Variants in GRIN2A observed in about 807,000 individuals in gnomAD.
GRIN2A encodes glutamate ionotropic receptor NMDA type subunit 2A.
A neutral mutation model predicts 113.4 loss-of-function variants in GRIN2A; 22 were observed. The ratio of observed to expected loss-of-function variants is 0.19; its 90% CI spans 0.14 to 0.28. The LOEUF is 0.28. GRIN2A is among the 10% of genes least tolerant of loss of function. The pLI, the probability that GRIN2A is intolerant of heterozygous loss-of-function variation, is 1.00. For synonymous variants in GRIN2A, 827 were observed against 738.4 expected, an observed-to-expected ratio of 1.12 and a Z score of -1.94; for missense variants, 1,502 against 1,887.0, an observed-to-expected ratio of 0.80 and a Z score of 3.78.
At chr16:9,813,699 C>CAA (rs553969865) in intron 10 of GRIN2A, among the ~76,000 whole-genome samples, 14 of 133,430 alleles carry the variant, frequency 1.0e-4, no homozygotes, top group African/African-American at 3.3e-4. Flanking sequence ...CACCCCCCCG[C>CAA]AAAAAAAAAA....
rs539797874 is a variant in GRIN2A at position 9,899,507 on chromosome 16, T to C, written c.1008-8407A>G. Among the ~76,000 whole-genome samples the C allele has an allele frequency of 9.8e-5, 14 of 143,476 alleles. No homozygotes were observed. The South Asian group carries it at 3.1e-3, about 32-fold the overall frequency. 94.1% of individuals were successfully genotyped at this position (143,476 alleles called of 152,430 possible). ...TAATAACTCCAACACAGAGATACTC[T>C]AAAATGGGCTCAGAAACCACAACAT... On this transcript the variant is annotated intron_variant, in intron 3 of 12. Transcript: ENST00000330684.
intron 2 of GRIN2A, among the ~76,000 whole-genome samples, chr16:10,101,088 AG>A (rs2142109306): frequency 6.6e-6 from 1 of 152,302 alleles, no homozygotes; most frequent in African/African-American, 2.4e-5. Flanking sequence ...ACAGGGCATG[AG>A]GGGGACATGG....
At chr16:10,132,340 CAAAAA>C (rs71402435) in intron 2 of GRIN2A, among the ~76,000 whole-genome samples, 2 of 61,632 alleles carry the variant, frequency 3.2e-5, no homozygotes, top group South Asian at 8.6e-4. Context: ...GACACCGTCT[CAAAAA>C]AAAAAAAAAA....
intron 2 of GRIN2A, among the ~76,000 whole-genome samples, chr16:10,038,048 G>A (rs545114700): frequency 2.0e-5 from 3 of 152,054 alleles, no homozygotes; most frequent in Non-Finnish European, 4.4e-5. Context: ...TCAGGCTGCT[G>A]TAACAAAACA....
intron 4 of GRIN2A, among the ~76,000 whole-genome samples, chr16:9,852,754 G>A (rs1198728919): frequency 1.3e-5 from 2 of 152,160 alleles, no homozygotes; most frequent in African/African-American, 2.4e-5. Context: ...ACCAGATAAA[G>A]GAGAACAGAC....
At chr16:9,803,451 A>G (rs1259998245) in intron 10 of GRIN2A, among the ~76,000 whole-genome samples, 1 of 152,150 alleles carries the variant, frequency 6.6e-6, no homozygotes, top group Non-Finnish European at 1.5e-5. Flanking sequence ...GGAGCCAACA[A>G]TATTTGCCCT....
intron 2 of GRIN2A, among the ~76,000 whole-genome samples, chr16:10,124,337 G>A (rs2048886915): frequency 6.6e-6 from 1 of 152,154 alleles, no homozygotes; most frequent in South Asian, 2.1e-4. Context: ...GAAGATCAGG[G>A]ATCATGTATG....
chr16:9,903,663 A>G (rs934984924), intron 3 of GRIN2A, among the ~76,000 whole-genome samples: 1 of 152,132 alleles, frequency 6.6e-6, no homozygotes, highest in Admixed American at 6.5e-5. Context: ...CCTCTTCCAC[A>G]AAGTATTACT....
chr16:9,932,383 A>AT (rs1266333638), intron 3 of GRIN2A, among the ~76,000 whole-genome samples: 6 of 151,756 alleles, frequency 4.0e-5, no homozygotes, highest in East Asian at 3.9e-4. Context: ...ATTTTATTTT[A>AT]TTTTTTTTGA....
At chr16:10,068,199 G>A (rs1426531058) in intron 2 of GRIN2A, among the ~76,000 whole-genome samples, 1 of 152,254 alleles carries the variant, frequency 6.6e-6, no homozygotes, top group Admixed American at 6.5e-5. Flanking sequence ...TCTACTCTGA[G>A]CCTGGAGCTG....
rs918021343 is a variant in GRIN2A at position 9,755,098 on chromosome 16, T to G, written c.*8051A>C. ...GGGCTAATGAAGAATGTTCTAGGAT[T>G]GCAAAAATGCAAACTCATTGTTTCA... is the stretch of plus-strand genomic sequence containing the variant. On this transcript the variant is annotated 3_prime_UTR_variant, in exon 13 of 13. Coordinates refer to ENST00000330684, the MANE Select transcript of GRIN2A (RefSeq NM_001134407.3). 2.4e-4 allele frequency: 47 copies of G among 198,452 alleles called. No homozygotes were observed. The highest frequency in any genetic ancestry group is 4.9e-4 in the Non-Finnish European group (47 of 96,018). 12.3% of individuals were successfully genotyped at this position (198,452 alleles called of 1,614,324 possible).
intron 11 of GRIN2A, among the ~76,000 whole-genome samples, chr16:9,789,604 A>G (rs1902477440): frequency 6.6e-6 from 1 of 151,902 alleles, no homozygotes; most frequent in African/African-American, 2.4e-5. Context: ...ACATAAATAA[A>G]TTAAGGAGGA....
intron 2 of GRIN2A, among the ~76,000 whole-genome samples, chr16:10,080,145 C>G (rs1055693012): frequency 1.1e-4 from 16 of 152,240 alleles, no homozygotes; most frequent in Admixed American, 3.3e-4. Flanking sequence ...GTTGCCACAA[C>G]AGCAGAGTAT....
chr16:10,111,605 A>T, intron 2 of GRIN2A: 2 of 1,148,562 alleles, frequency 1.7e-6, no homozygotes, highest in Non-Finnish European at 2.6e-6. Flanking sequence ...ACTGAGACAG[A>T]GGCCGACATG....
chr16:9,762,045 C>T lies in GRIN2A; in HGVS notation c.*1104G>A. 5.0e-6 allele frequency: 1 copy of T among 201,324 alleles called. No homozygotes were observed. The highest frequency in any genetic ancestry group is 2.3e-5 in the African/African-American group (1 of 43,640). 12.5% of individuals were successfully genotyped at this position (201,324 alleles called of 1,614,324 possible). A position where few individuals can be genotyped will look rare whatever the true frequency, so the allele number is the denominator to read the frequency against. ...ATGTGAAGGAAGATAAACCTAAAAC[C>T]ATGCTAGCCTTCGGCAGACAGATGG... On this transcript the variant is annotated 3_prime_UTR_variant, in exon 13 of 13. Coordinates refer to ENST00000330684, the MANE Select transcript of GRIN2A (RefSeq NM_001134407.3).
chr16:10,164,543 C>G (rs2049871342), intron 2 of GRIN2A, among the ~76,000 whole-genome samples: 1 of 152,148 alleles, frequency 6.6e-6, no homozygotes, highest in Non-Finnish European at 1.5e-5. Flanking sequence ...TGGGGTCCCA[C>G]AGAATGATTT....
intron 2 of GRIN2A, among the ~76,000 whole-genome samples, chr16:10,168,739 G>A (rs1483556745): frequency 1.3e-5 from 2 of 152,124 alleles, no homozygotes; most frequent in East Asian, 3.9e-4. Context: ...GCCAAAGCGG[G>A]TGGATCACCT....
At chr16:9,925,500 G>A (rs1363630155) in intron 3 of GRIN2A, among the ~76,000 whole-genome samples, 2 of 152,158 alleles carry the variant, frequency 1.3e-5, no homozygotes, top group African/African-American at 4.8e-5. Flanking sequence ...TCTCTCCTAT[G>A]AAATCCAGCT....
intron 4 of GRIN2A, among the ~76,000 whole-genome samples, chr16:9,856,740 G>T (rs951038531): frequency 1.3e-5 from 2 of 151,786 alleles, no homozygotes; most frequent in Non-Finnish European, 2.9e-5. Flanking sequence ...TGAATAACAT[G>T]CTACTTTTAT....
Sources: gnomAD v4.1 joint callset for allele counts (sites outside exome capture counted in the v4.1 genomes callset) on GRCh38, gnomAD v4.1.1 for gene constraint, MANE v1.5 for transcripts, NCBI Gene and HGNC (gene_info 2026-07-23, HGNC 2026-07-21) for gene names.